The following FRAS1 variants were observed in gnomAD, a reference collection of about 807,000 sequenced individuals.
FRAS1 encodes extracellular matrix organizing protein FRAS1.
FRAS1 carries 290 observed loss-of-function variants against 435.2 expected under a neutral mutation model. The observed-to-expected ratio is 0.67, with a 90% CI of 0.61 to 0.73. The LOEUF (loss-of-function observed/expected upper bound fraction) is 0.73, where lower values mean the gene tolerates loss of function less well. FRAS1 is among the 30% of genes least tolerant of loss of function. FRAS1 has a pLI of 0.00. For missense variants in FRAS1, 4,860 were observed against 5,001.5 expected, an observed-to-expected ratio of 0.97 and a Z score of 0.85; for synonymous variants, 1,800 against 1,851.0, an observed-to-expected ratio of 0.97 and a Z score of 0.71.
Position 78,515,700 on chromosome 4 carries a change from G to A in FRAS1, c.10175-99G>A, listed in dbSNP as rs1009913399. The A allele has an allele frequency of 2.8e-6, 3 of 1,073,478 alleles. No individual in the cohort carries two copies. In the African/African-American group the frequency reaches 4.8e-5, roughly 17 times the overall value. The allele number at this position is 1,073,478 out of a possible 1,614,324, so 66.5% of individuals were successfully genotyped here. A position where few individuals can be genotyped will look rare whatever the true frequency, so the allele number is the denominator to read the frequency against. On this transcript the variant is annotated intron_variant, in intron 65 of 73. Coordinates refer to ENST00000512123, the MANE Select transcript of FRAS1 (RefSeq NM_025074.7). ...TTTGTTAGTAGGGTCTCAGGTGATTGAAAGTGCTTTTAGTGCAAAAGGGTG... is the reference window on the plus strand; with the variant it reads ...TTTGTTAGTAGGGTCTCAGGTGATTAAAAGTGCTTTTAGTGCAAAAGGGTG...
chr4:78,152,167 G>A (rs1465628606), intron 2 of FRAS1, among the ~76,000 whole-genome samples: 1 of 152,134 alleles, frequency 6.6e-6, no homozygotes, highest in Non-Finnish European at 1.5e-5. Flanking sequence ...AAATGTCAGT[G>A]TTGCCATTAA....
rs890067927 is a variant in FRAS1 at position 78,245,412 on chromosome 4, G to A, written c.309+87G>A. 4.2e-6 allele frequency: 4 copies of A among 952,202 alleles called. No homozygotes were observed. In the African/African-American group the frequency reaches 4.9e-5, roughly 12 times the overall value. The allele number at this position is 952,202 out of a possible 1,614,324, so 59.0% of individuals were successfully genotyped here. ...GAATGTTAAACTTGTGTTGATGAGA[G>A]TTTTTTTCTTTGCCTGGATTGTGGA... On this transcript the variant is annotated intron_variant, in intron 4 of 73. Transcript: ENST00000512123.
In FRAS1 at chr4:78,464,350, T is replaced by C. The variant is rs985495575; in HGVS notation, c.6889-93T>C. 3 of 1,524,366 alleles carry C rather than the reference T, an allele frequency of 2.0e-6. No homozygotes were observed. The African/African-American group carries it at 4.1e-5, about 21-fold the overall frequency. 94.4% of individuals were successfully genotyped at this position (1,524,366 alleles called of 1,614,324 possible). A position where few individuals can be genotyped will look rare whatever the true frequency, so the allele number is the denominator to read the frequency against. The stretch of plus-strand genomic sequence containing the variant: ...CCTAATTATTGACTTGTGCAAGCAA[T>C]GTGTGAAAGAGAAAAGTAGAGAGCA... On this transcript the variant is annotated intron_variant, in intron 48 of 73. Transcript: ENST00000512123.
chr4:78,118,246 G>C (rs893247353), intron 2 of FRAS1, among the ~76,000 whole-genome samples: 37 of 152,310 alleles, frequency 2.4e-4, no homozygotes, highest in South Asian at 4.1e-4. Flanking sequence ...CCCTACTGGG[G>C]GGTGCCTCCC....
intron 34 of FRAS1, 75 bp from the exon 35 acceptor site, chr4:78,424,313 T>C: frequency 1.4e-6 from 1 of 723,912 alleles, no homozygotes; most frequent in Non-Finnish European, 2.2e-6. Flanking sequence ...ACCTCTGCCC[T>C]TTGTTTTGTA....
intron 35 of FRAS1, among the ~76,000 whole-genome samples, chr4:78,427,234 A>T (rs1734033371): frequency 6.6e-6 from 1 of 152,146 alleles, no homozygotes. Flanking sequence ...TAAAATCACA[A>T]GCTCAGCCCC....
At chr4:78,420,340 T>C (rs896570935) in intron 33 of FRAS1, among the ~76,000 whole-genome samples, 1 of 152,216 alleles carries the variant, frequency 6.6e-6, no homozygotes, top group South Asian at 2.1e-4. Context: ...AGAGTCGAGA[T>C]GGAGCCCTTT....
chr4:78,310,134 G>T (rs1728958252), intron 15 of FRAS1, among the ~76,000 whole-genome samples: 1 of 152,210 alleles, frequency 6.6e-6, no homozygotes, highest in Admixed American at 6.5e-5. Context: ...AGAGAATAAG[G>T]AAAGAAAGGC....
At chr4:78,495,389 C>G (rs1486021654) in intron 59 of FRAS1, among the ~76,000 whole-genome samples, 1 of 151,960 alleles carries the variant, frequency 6.6e-6, no homozygotes, top group Non-Finnish European at 1.5e-5. Flanking sequence ...TAAAACATAC[C>G]CATCACACAT....
At chr4:78,430,155 G>A in intron 36 of FRAS1, 137 bp from the exon 37 acceptor site, 3 of 970,670 alleles carry the variant, frequency 3.1e-6, no homozygotes, top group South Asian at 2.9e-5. Context: ...GTGCCTGATT[G>A]GAATGAAGCA....
intron 2 of FRAS1, among the ~76,000 whole-genome samples, chr4:78,218,098 T>TCACACACACACACA (rs1553931228): frequency 0.04 from 1,593 of 39,684 alleles, 122 homozygotes; most frequent in Middle Eastern, 0.1. Flanking sequence ...TCACTCTCTC[T>TCACACACACACACA]CACACACACA....
intron 2 of FRAS1, among the ~76,000 whole-genome samples, chr4:78,222,397 TA>T (rs1180105744): frequency 2.0e-5 from 3 of 152,212 alleles, no homozygotes; most frequent in African/African-American, 7.2e-5. Context: ...CATTGTCTTC[TA>T]TTTCCGTAAC....
chr4:78,376,063 T>C (rs1404581752), intron 26 of FRAS1, among the ~76,000 whole-genome samples, 184 bp downstream of exon 26: 5 of 152,210 alleles, frequency 3.3e-5, no homozygotes, highest in Non-Finnish European at 7.3e-5. Flanking sequence ...AAATCGCAAC[T>C]TCTGTAATCA....
intron 58 of FRAS1, among the ~76,000 whole-genome samples, chr4:78,484,464 A>G (rs183454947): frequency 1.1e-4 from 17 of 152,170 alleles, no homozygotes; most frequent in Admixed American, 1.0e-3. Context: ...ATCATTTTTC[A>G]TTTTGAAGCA....
rs370711747 is a variant in FRAS1 at position 78,448,008 on chromosome 4, T to C, written c.6011-45T>C. The C allele has an allele frequency of 7.3e-5, 109 of 1,483,946 alleles. 1 individual carries two copies. The African/African-American group carries it at 1.3e-3, about 18-fold the overall frequency. 91.9% of individuals were successfully genotyped at this position (1,483,946 alleles called of 1,614,324 possible). On this transcript the variant is annotated intron_variant, in intron 43 of 73. Coordinates refer to ENST00000512123, the MANE Select transcript of FRAS1 (RefSeq NM_025074.7). ...GACAATGTTTTGAATCATATATATA[T>C]GTGTATTCTACCATTGTTTTGCTTT... is the stretch of plus-strand genomic sequence containing the variant.
chr4:78,460,429 G>A lies in FRAS1; in HGVS notation c.6764-3592G>A, dbSNP rs115455766. Among the ~76,000 whole-genome samples, 960 of 152,302 alleles carry A rather than the reference G, an allele frequency of 6.3e-3. 5 individuals carry two copies. The highest frequency in any genetic ancestry group is 9.1e-3 in the Non-Finnish European group (617 of 68,026). On this transcript the variant is annotated intron_variant, in intron 47 of 73. Coordinates refer to ENST00000512123, the MANE Select transcript of FRAS1 (RefSeq NM_025074.7). Reference sequence around the variant, plus strand: ...AATAGCAACTACCTGCTGTGACAGCGGTAGGGACAATATGTTATTAGAAAC... The same window carrying A: ...AATAGCAACTACCTGCTGTGACAGCAGTAGGGACAATATGTTATTAGAAAC...
intron 58 of FRAS1, 60 bp from the exon 59 acceptor site, chr4:78,488,815 T>C (rs1430302413): frequency 5.3e-6 from 8 of 1,499,656 alleles, no homozygotes; most frequent in East Asian, 2.4e-5. Flanking sequence ...ACAAGGACCA[T>C]GGCCACAGCT....
chr4:78,479,862 A>C, intron 56 of FRAS1, 144 bp downstream of exon 56: 1 of 551,488 alleles, frequency 1.8e-6, no homozygotes, highest in Non-Finnish European at 3.0e-6. Flanking sequence ...GCACTATATA[A>C]TGCTTGGCCA....
At chr4:78,187,532 A>G (rs534189267) in intron 2 of FRAS1, among the ~76,000 whole-genome samples, 1 of 152,138 alleles carries the variant, frequency 6.6e-6, no homozygotes, top group East Asian at 1.9e-4. Context: ...TAAAATTAAG[A>G]CTATTGCCCC....
Sources: allele counts gnomAD v4.1 joint callset (sites outside exome capture counted in the v4.1 genomes callset), GRCh38; gene constraint gnomAD v4.1.1; transcripts MANE v1.5; gene names NCBI Gene and HGNC (gene_info 2026-07-23, HGNC 2026-07-21).